PRMT3: variants seen among roughly 807,000 people sequenced by gnomAD.
PRMT3 encodes protein arginine N-methyltransferase 3.
A neutral mutation model predicts 71.9 loss-of-function variants in PRMT3; 62 were observed. The ratio of observed to expected loss-of-function variants is 0.86; its 90% CI spans 0.70 to 1.07. PRMT3 has a LOEUF of 1.07. Ranked by LOEUF, PRMT3 falls within the 50% of genes least tolerant of loss-of-function variation. The pLI is 0.00. For synonymous variants in PRMT3, 213 were observed against 220.4 expected, an observed-to-expected ratio of 0.97 and a Z score of 0.30; for missense variants, 663 against 643.0, an observed-to-expected ratio of 1.03 and a Z score of -0.34.
intron 9 of PRMT3, among the ~76,000 whole-genome samples, chr11:20,417,043 C>G (rs1457263159): frequency 6.6e-6 from 1 of 152,164 alleles, no homozygotes; most frequent in Non-Finnish European, 1.5e-5. Context: ...CCTCTTGACT[C>G]CAATGGTTTG....
In PRMT3 at chr11:20,462,071, C is replaced by T; in HGVS notation, c.1164C>T (p.Gly388=). Residue 388 remains glycine (G), a synonymous_variant, in exon 12 of 16, where the codon GGC becomes GGT. Transcript: ENST00000331079. ...TTGCTTTTTGGGATGATGTCTATGG[C>T]TTCAAGATGTCCTGCATGAAGAAAG... ...DRIAFWDDVY[G]FKMSCMKKAV... 6.2e-7 allele frequency: 1 copy of T among 1,613,266 alleles called. No homozygotes were observed. The highest frequency in any genetic ancestry group is 8.5e-7 in the Non-Finnish European group (1 of 1,179,464).
intron 10 of PRMT3, among the ~76,000 whole-genome samples, chr11:20,428,846 G>A (rs1849599271): frequency 6.6e-6 from 1 of 152,158 alleles, no homozygotes; most frequent in South Asian, 2.1e-4. Context: ...TCTCTAGTGT[G>A]TTGCTGGCAA....
chr11:20,433,009 T>C (rs1009598825), intron 10 of PRMT3, among the ~76,000 whole-genome samples: 5 of 152,214 alleles, frequency 3.3e-5, no homozygotes, highest in Non-Finnish European at 2.9e-5. Flanking sequence ...TTTACTCTTT[T>C]GTTTTCTTTT....
chr11:20,431,869 A>G (rs1403104733), intron 10 of PRMT3, among the ~76,000 whole-genome samples: 5 of 152,116 alleles, frequency 3.3e-5, no homozygotes, highest in Admixed American at 3.3e-4. Context: ...TTTAGATAAA[A>G]TATAAAATTC....
At chr11:20,477,813 C>A (rs969577820) in intron 13 of PRMT3, among the ~76,000 whole-genome samples, 4 of 141,960 alleles carry the variant, frequency 2.8e-5, no homozygotes, top group African/African-American at 7.9e-5. Context: ...CCCCCCCCCC[C>A]CACTTCCTGT....
chr11:20,447,466 A>T (rs1850056378), intron 10 of PRMT3, among the ~76,000 whole-genome samples: 1 of 151,842 alleles, frequency 6.6e-6, no homozygotes, highest in Non-Finnish European at 1.5e-5. Flanking sequence ...ATATCGAGAA[A>T]CCCTGCTTTA....
At chr11:20,464,786 G>A (rs1850469384) in intron 13 of PRMT3, among the ~76,000 whole-genome samples, 1 of 152,112 alleles carries the variant, frequency 6.6e-6, no homozygotes. Flanking sequence ...TCTTTATAGA[G>A]TCTTCATTAT....
intron 10 of PRMT3, among the ~76,000 whole-genome samples, chr11:20,446,644 C>G (rs1380372172): frequency 2.6e-5 from 4 of 152,106 alleles, no homozygotes; most frequent in African/African-American, 9.7e-5. Flanking sequence ...TTTCTGTGGG[C>G]AGTTTGATGA....
intron 13 of PRMT3, among the ~76,000 whole-genome samples, chr11:20,491,049 GCTGT>G (rs1356086506): frequency 1.3e-5 from 2 of 151,914 alleles, no homozygotes; most frequent in African/African-American, 4.8e-5. Context: ...CATTTTAATT[GCTGT>G]CTTTTTCCCT....
intron 11 of PRMT3, among the ~76,000 whole-genome samples, chr11:20,453,936 T>C (rs983237718): frequency 1.3e-5 from 2 of 152,202 alleles, no homozygotes; most frequent in African/African-American, 4.8e-5. Context: ...TAAAAAGTTT[T>C]AGAACATGGA....
intron 13 of PRMT3, among the ~76,000 whole-genome samples, chr11:20,486,965 G>A (rs750541875): frequency 6.6e-6 from 1 of 152,120 alleles, no homozygotes; most frequent in South Asian, 2.1e-4. Context: ...GCTGAGGCAG[G>A]AGAATTGCTT....
intron 13 of PRMT3, among the ~76,000 whole-genome samples, chr11:20,484,294 A>G (rs1590101523): frequency 6.6e-6 from 1 of 152,216 alleles, no homozygotes; most frequent in East Asian, 1.9e-4. Flanking sequence ...GGAACATTTT[A>G]TGGATGTATT....
At chr11:20,465,278 A>G (rs1415016673) in intron 13 of PRMT3, among the ~76,000 whole-genome samples, 1 of 152,034 alleles carries the variant, frequency 6.6e-6, no homozygotes, top group Non-Finnish European at 1.5e-5. Context: ...TTAAGATAAC[A>G]TTTACTGCTG....
chr11:20,498,581 T>A (rs1441975377), intron 15 of PRMT3, among the ~76,000 whole-genome samples: 1 of 151,920 alleles, frequency 6.6e-6, no homozygotes, highest in Non-Finnish European at 1.5e-5. Flanking sequence ...ATACAAAAAA[T>A]TAGCTGGACG....
At position 20,426,710 on chromosome 11, in the gene PRMT3, TTAAC is replaced by T. The variant is rs1237514855; in HGVS notation, c.894-53_894-50del. On this transcript the variant is annotated intron_variant, in intron 9 of 15. Transcript: ENST00000331079. ...AGTTGTTGGCAAAAAATTATGTAAT[TTAAC>T]TAGCTTTCAGAATCTGTTTAACCTA... 5 of 1,348,810 alleles carry T rather than the reference TTAAC, an allele frequency of 3.7e-6. No homozygotes were observed. In the African/African-American group the frequency reaches 7.7e-5, roughly 21 times the overall value. The allele number at this position is 1,348,810 out of a possible 1,614,324, so 83.6% of individuals were successfully genotyped here.
chr11:20,389,811 A>C lies in PRMT3; in HGVS notation c.232A>C (p.Met78Leu), dbSNP rs2133291725. ...TGAGCATCAGTTTAATATTGACAGC[A>C]TGGTTCATAAACATGGTGAGTAGTT... ...KSEHQFNIDS[M>L]VHKHGLEFYG... Residue 78 changes from methionine (M) to leucine (L), a missense_variant, in exon 3 of 16, where the codon ATG (methionine) becomes CTG (leucine). By Grantham distance (15) the Met-to-Leu change is conservative. Coordinates refer to ENST00000331079, the MANE Select transcript of PRMT3 (RefSeq NM_005788.4). The C allele has an allele frequency of 6.2e-7, 1 of 1,610,100 alleles. No homozygotes were observed.
At chr11:20,427,572 A>C (rs12364471) in intron 10 of PRMT3, among the ~76,000 whole-genome samples, 72,951 of 151,846 alleles carry the variant, frequency 0.48, 20,312 homozygotes, top group Non-Finnish European at 0.64. Context: ...TAAAAATACA[A>C]AGATTAGCTG....
intron 9 of PRMT3, among the ~76,000 whole-genome samples, chr11:20,417,444 C>A (rs371666341): frequency 1.6e-3 from 248 of 152,222 alleles, no homozygotes; most frequent in African/African-American, 5.7e-3. Flanking sequence ...TTTAAATGCA[C>A]TCGATTAGGT....
At chr11:20,493,449 G>T (rs985549717) in intron 13 of PRMT3, among the ~76,000 whole-genome samples, 5 of 152,154 alleles carry the variant, frequency 3.3e-5, no homozygotes, top group African/African-American at 1.2e-4. Context: ...GTTTGTTTCC[G>T]ATTCTGCAAT....
Sources: gnomAD v4.1 joint callset for allele counts (sites outside exome capture counted in the v4.1 genomes callset) on GRCh38, gnomAD v4.1.1 for gene constraint, MANE v1.5 for transcripts, NCBI Gene and HGNC (gene_info 2026-07-23, HGNC 2026-07-21) for gene names.